The following SEC14L1 variants were observed in gnomAD, a reference collection of about 807,000 sequenced individuals.
The protein encoded by SEC14L1 is SEC14-like protein 1.
Under a neutral mutation model 85.3 loss-of-function variants are expected in SEC14L1, and 48 were observed. The observed-to-expected ratio is 0.56, with a 90% CI of 0.45 to 0.72. The LOEUF is 0.72. SEC14L1 is among the 30% of genes least tolerant of loss of function. The pLI is 0.00. For synonymous variants in SEC14L1, 391 were observed against 355.5 expected, an observed-to-expected ratio of 1.10 and a Z score of -1.12; for missense variants, 682 against 921.4, an observed-to-expected ratio of 0.74 and a Z score of 3.36.
chr17:77,121,853 T>C lies in SEC14L1; in HGVS notation c.-135-20793T>C, dbSNP rs553951632. On this transcript the variant is annotated intron_variant, in intron 3 of 19. Coordinates refer to the SEC14L1 transcript ENST00000392476. ...TTTGTTACTTTGTCCAGGCCAACGC[T>C]GCCTGCAGAAAAGAGTGGACCCTCC... Among the ~76,000 whole-genome samples the C allele has an allele frequency of 1.4e-4, 21 of 152,322 alleles. No individual in the cohort carries two copies. In the South Asian group the frequency reaches 3.7e-3, roughly 27 times the overall value.
At chr17:77,129,813 G>A (rs1298114727) in intron 3 of SEC14L1, among the ~76,000 whole-genome samples, 1 of 152,070 alleles carries the variant, frequency 6.6e-6, no homozygotes, top group Admixed American at 6.6e-5. Flanking sequence ...TACCCTGTTA[G>A]CGCGACATTC....
At position 77,155,361 on chromosome 17, in the gene SEC14L1, A is replaced by G. The variant is rs111782998; in HGVS notation, c.63+11702A>G. 2.3e-3 allele frequency among the ~76,000 whole-genome samples: 340 copies of G among 150,828 alleles called. 1 individual carries two copies. The highest frequency in any genetic ancestry group is 7.4e-3 in the African/African-American group (307 of 41,410). On this transcript the variant is annotated intron_variant, in intron 3 of 16. Coordinates refer to ENST00000436233, the MANE Select transcript of SEC14L1 (RefSeq NM_001143998.2). ...ACCCACCCCAGTAAAAACCAAACCA[A>G]TAAAACACCACTCAGAAGCTCTCCC...
chr17:77,215,652 G>A lies in SEC14L1; in HGVS notation c.*1629G>A, dbSNP rs1976999862. On this transcript the variant is annotated 3_prime_UTR_variant, in exon 17 of 17. Coordinates refer to ENST00000436233, the MANE Select transcript of SEC14L1 (RefSeq NM_001143998.2). ...GATCACCTGCCTTTGGACCACATTT[G>A]TGTTTGCTCTTAGAGATCGAGCTCC... 1.0e-6 allele frequency: 1 copy of A among 991,336 alleles called. No homozygotes were observed. Among genetic ancestry groups the A allele is most frequent in the Non-Finnish European group, 1.2e-6 (1 of 832,706 alleles). The allele number at this position is 991,336 out of a possible 1,614,324, so 61.4% of individuals were successfully genotyped here.
intron 3 of SEC14L1, among the ~76,000 whole-genome samples, chr17:77,117,039 C>G (rs1041214493): frequency 6.6e-6 from 1 of 152,234 alleles, no homozygotes; most frequent in Admixed American, 6.5e-5. Context: ...CCGTCTTTAT[C>G]TATTCCCTGC....
chr17:77,198,313 G>C (rs537043343), intron 8 of SEC14L1, among the ~76,000 whole-genome samples: 269 of 152,350 alleles, frequency 1.8e-3, no homozygotes, highest in Non-Finnish European at 2.9e-3. Flanking sequence ...CATATGGCCA[G>C]TTATGTAAAC....
intron 9 of SEC14L1, 33 bp downstream of exon 9, chr17:77,200,706 G>A (rs761871779): frequency 2.5e-6 from 4 of 1,590,242 alleles, no homozygotes; most frequent in East Asian, 2.3e-5. Context: ...TGTTTCCATC[G>A]TTGTCTTGAT....
At chr17:77,147,650 TCTTC>T (rs1006905994) in intron 3 of SEC14L1, among the ~76,000 whole-genome samples, 10 of 152,298 alleles carry the variant, frequency 6.6e-5, no homozygotes, top group African/African-American at 2.2e-4. Flanking sequence ...ATACTATGCT[TCTTC>T]CTTCTACCCA....
chr17:77,091,334 C>T (rs1971512097), intron 2 of SEC14L1, among the ~76,000 whole-genome samples: 2 of 152,156 alleles, frequency 1.3e-5, no homozygotes, highest in Admixed American at 6.5e-5. Flanking sequence ...GTGATCTGCT[C>T]ACCTCGGCCT....
chr17:77,210,528 A>G (rs778695525), intron 14 of SEC14L1: 1 of 152,502 alleles, frequency 6.6e-6, no homozygotes, highest in Non-Finnish European at 1.5e-5. Context: ...TGGGTCAGCC[A>G]TCTGCCAGTG....
At chr17:77,177,027 TAA>T (rs1431724417) in intron 3 of SEC14L1, among the ~76,000 whole-genome samples, 1 of 152,202 alleles carries the variant, frequency 6.6e-6, no homozygotes, top group African/African-American at 2.4e-5. Flanking sequence ...TTCTTCAACT[TAA>T]GTTTATTATT....
At chr17:77,163,565 A>T (rs1974159623) in intron 3 of SEC14L1, among the ~76,000 whole-genome samples, 1 of 152,140 alleles carries the variant, frequency 6.6e-6, no homozygotes, top group Non-Finnish European at 1.5e-5. Context: ...AACAAGCAGA[A>T]TTTTTAAGTT....
At chr17:77,191,879 C>T (rs1975559461) in intron 5 of SEC14L1, among the ~76,000 whole-genome samples, 1 of 151,922 alleles carries the variant, frequency 6.6e-6, no homozygotes, top group African/African-American at 2.4e-5. Context: ...TCACTGCAAC[C>T]TCTGCCTCCC....
At chr17:77,145,976 T>C (rs1007294611) in intron 3 of SEC14L1, among the ~76,000 whole-genome samples, 1 of 152,242 alleles carries the variant, frequency 6.6e-6, no homozygotes, top group Non-Finnish European at 1.5e-5. Context: ...CTCTGTGGCA[T>C]TTCTTGTTGC....
At chr17:77,089,498 C>T (rs773586908) in intron 2 of SEC14L1, 3 of 514,402 alleles carry the variant, frequency 5.8e-6, no homozygotes, top group Admixed American at 4.0e-5. Context: ...ACAGGACCTA[C>T]GTTTAAAGAA....
intron 15 of SEC14L1, among the ~76,000 whole-genome samples, chr17:77,212,519 G>A (rs35300000): frequency 0.26 from 39,586 of 152,128 alleles, 5,404 homozygotes; most frequent in African/African-American, 0.32. Flanking sequence ...ACCGGGTTGT[G>A]TTTGTCTTTT....
In SEC14L1 at chr17:77,097,332, G is replaced by A. The variant is rs561272630; in HGVS notation, c.-136+3985G>A. Among the ~76,000 whole-genome samples, 81 of 152,298 alleles carry A rather than the reference G, an allele frequency of 5.3e-4. 1 individual carries two copies. Among genetic ancestry groups the A allele is most frequent in the African/African-American group, 1.8e-3 (74 of 41,564 alleles). ...TGTAATCCCAGCACTTTGGGAGGCC[G>A]AGGCGGGCGGATCACAAGGTCAAGA... On this transcript the variant is annotated intron_variant, in intron 3 of 19. Transcript: ENST00000392476.
At chr17:77,140,363 C>G (rs1972942275), upstream of SEC14L1, among the ~76,000 whole-genome samples, 1 of 152,242 alleles carries the variant, frequency 6.6e-6, no homozygotes, top group Non-Finnish European at 1.5e-5. Context: ...CACCCGGGCC[C>G]TCCCGAGCCC....
At chr17:77,149,055 C>T (rs1973439500) in intron 3 of SEC14L1, among the ~76,000 whole-genome samples, 1 of 152,224 alleles carries the variant, frequency 6.6e-6, no homozygotes, top group African/African-American at 2.4e-5. Flanking sequence ...CATTCCCCAT[C>T]TGTCTCTCCA....
chr17:77,191,533 A>ATTTGGTTTTGTT (rs1975535633), intron 5 of SEC14L1, among the ~76,000 whole-genome samples: 1 of 151,722 alleles, frequency 6.6e-6, no homozygotes, highest in Non-Finnish European at 1.5e-5. Context: ...TGATGCCTTG[A>ATTTGGTTTTGTT]TTTGGTTTTG....
Sources: gnomAD v4.1 joint callset for allele counts (sites outside exome capture counted in the v4.1 genomes callset) on GRCh38, gnomAD v4.1.1 for gene constraint, MANE v1.5 for transcripts, NCBI Gene and HGNC (gene_info 2026-07-23, HGNC 2026-07-21) for gene names.